The following PCDHGA4 variants were observed in gnomAD, a reference collection of about 807,000 sequenced individuals.
PCDHGA4 encodes protocadherin gamma subfamily A, 4, also known as protocadherin gamma-A4.
A neutral mutation model predicts 54.6 loss-of-function variants in PCDHGA4; 38 were observed. That is an observed-to-expected ratio of 0.70 (90% confidence interval 0.54 to 0.91). The LOEUF is 0.91. Among genes scored for constraint, PCDHGA4 ranks in the 40% least tolerant of loss-of-function variants. The probability of loss-of-function intolerance (pLI) is 0.00; values close to 1 mark genes in which losing one functional copy is unlikely to be tolerated. For missense variants in PCDHGA4, 1,298 were observed against 1,220.9 expected (o/e 1.06, Z -0.94); for synonymous variants, 511 against 512.9 (o/e 1.00, Z 0.05).
chr5:141,374,152 G>T (rs1190094932), intron 1 of PCDHGA4: 1 of 1,612,132 alleles, frequency 6.2e-7, no homozygotes. Context: ...TGGGGACGCT[G>T]TGGGGGGCCG....
chr5:141,451,205 C>G (rs1023049434), intron 1 of PCDHGA4, among the ~76,000 whole-genome samples: 2 of 152,142 alleles, frequency 1.3e-5, no homozygotes, highest in African/African-American at 4.8e-5. Flanking sequence ...TATCCCAAAA[C>G]TTAGTGGCTT....
intron 1 of PCDHGA4, chr5:141,360,390 T>C (rs1484817682): frequency 1.2e-6 from 2 of 1,613,882 alleles, no homozygotes; most frequent in Non-Finnish European, 1.7e-6. Flanking sequence ...GAGACTTACT[T>C]GTGAGTGACA....
chr5:141,410,779 T>C, intron 1 of PCDHGA4: 4 of 947,572 alleles, frequency 4.2e-6, no homozygotes, highest in Non-Finnish European at 6.0e-6. Flanking sequence ...TTTCACTATG[T>C]ATTTGGTTCA....
At position 141,485,293 on chromosome 5, in the gene PCDHGA4, G is replaced by A. The variant is rs1356836741; in HGVS notation, c.2515-9514G>A. On this transcript the variant is annotated intron_variant, in intron 1 of 3. Transcript: ENST00000571252. The surrounding 1 kb of genome is among the most constrained non-coding windows in gnomAD (Gnocchi z 5.7). ...GCTACCCGGTCCCAGAGGAGTCACA[G>A]GAAGGGACTTTTGTAGGGAATGTCG... 1 of 1,614,170 alleles carries A rather than the reference G, an allele frequency of 6.2e-7. No individual in the cohort carries two copies.
chr5:141,390,199 G>A (rs753440941), intron 1 of PCDHGA4: 2 of 1,614,054 alleles, frequency 1.2e-6, no homozygotes, highest in South Asian at 2.2e-5. Context: ...GAGCAGTTGA[G>A]TTCAGGACAA....
At chr5:141,494,890 C>A (rs1483157263) in intron 2 of PCDHGA4, 25 bp downstream of exon 2, 1 of 1,614,120 alleles carries the variant, frequency 6.2e-7, no homozygotes. Context: ...CTCCAGCCCA[C>A]CCTCTTCTCT....
chr5:141,385,481 G>A, intron 1 of PCDHGA4: 8 of 1,422,472 alleles, frequency 5.6e-6, no homozygotes, highest in Non-Finnish European at 6.4e-6. Context: ...CTTTAATATA[G>A]AACACATAGG....
intron 1 of PCDHGA4, chr5:141,389,177 C>G: frequency 1.2e-6 from 2 of 1,614,052 alleles, no homozygotes; most frequent in Non-Finnish European, 1.7e-6. Flanking sequence ...CTCCCCTCTC[C>G]TCCAGTTCCA....
intron 1 of PCDHGA4, chr5:141,415,379 G>T: frequency 3.7e-6 from 6 of 1,614,250 alleles, no homozygotes; most frequent in Non-Finnish European, 3.4e-6. Flanking sequence ...TCAGGAGGCG[G>T]CTTGACAGGT....
At position 141,355,864 on chromosome 5, in the gene PCDHGA4, C is replaced by G. The variant is rs749145164; in HGVS notation, c.757C>G (p.Arg253Gly). Residue 253 changes from arginine (R) to glycine (G), a missense_variant, in exon 1 of 4, where the codon CGC becomes GGC. Arg to Gly is a moderately radical substitution (Grantham distance 125). Coordinates refer to ENST00000571252, the MANE Select transcript of PCDHGA4 (RefSeq NM_018917.4). Reference protein sequence around the residue: ...LTAFDGGDPVRSGTARILIIL... With the variant: ...LTAFDGGDPVGSGTARILIIL... ...GGCCTTCGATGGAGGTGACCCGGTT[C>G]GCTCTGGCACTGCCAGGATTCTCAT... is the stretch of plus-strand genomic sequence containing the variant. The G allele has an allele frequency of 1.9e-6, 3 of 1,612,452 alleles. No individual in the cohort carries two copies. The highest frequency in any genetic ancestry group is 2.5e-6 in the Non-Finnish European group (3 of 1,179,236).
At chr5:141,374,589 G>A (rs1385892757) in intron 1 of PCDHGA4, 1 of 1,613,676 alleles carries the variant, frequency 6.2e-7, no homozygotes, top group Non-Finnish European at 8.5e-7. Context: ...TCCCTTCAGG[G>A]ATTTAAGCTC....
At chr5:141,372,252 G>A (rs768560692) in intron 1 of PCDHGA4, 4 of 1,613,140 alleles carry the variant, frequency 2.5e-6, no homozygotes, top group Admixed American at 1.7e-5. Context: ...GTTCAGCCTG[G>A]GCCTGCGCAC....
rs1167295957 is a variant in PCDHGA4 at position 141,382,977 on chromosome 5, CT to C, written c.2514+25357del. On this transcript the variant is annotated intron_variant, in intron 1 of 3. Coordinates refer to ENST00000571252, the MANE Select transcript of PCDHGA4 (RefSeq NM_018917.4). Reference sequence around the variant, plus strand: ...TCCTCCTGGGGACCCCCTGGGAAGCCTGGGCAGGACGTATTCTCTACTCCGT... The same window carrying C: ...TCCTCCTGGGGACCCCCTGGGAAGCCGGGCAGGACGTATTCTCTACTCCGT... The C allele has an allele frequency of 4.3e-6, 7 of 1,610,566 alleles. No homozygotes were observed. The South Asian group carries it at 7.7e-5, about 18-fold the overall frequency.
intron 1 of PCDHGA4, among the ~76,000 whole-genome samples, chr5:141,438,591 C>CATATATAT (rs946798767): frequency 3.4e-4 from 26 of 75,528 alleles, no homozygotes; most frequent in Non-Finnish European, 5.4e-4. Flanking sequence ...TACATACATA[C>CATATATAT]ATATATATAT....
Position 141,383,013 on chromosome 5 carries a change from G to A in PCDHGA4, c.2514+25392G>A, listed in dbSNP as rs1209966350. Reference sequence around the variant, plus strand: ...GTATTCTCTACTCCGTGTCGGAGGAGACGGACAAAGGGTCCTTTGTGGGAG... The same window carrying A: ...GTATTCTCTACTCCGTGTCGGAGGAAACGGACAAAGGGTCCTTTGTGGGAG... On this transcript the variant is annotated intron_variant, in intron 1 of 3. Coordinates refer to ENST00000571252, the MANE Select transcript of PCDHGA4 (RefSeq NM_018917.4). 6 of 1,613,828 alleles carry A rather than the reference G, an allele frequency of 3.7e-6. No individual in the cohort carries two copies. The East Asian group carries it at 6.7e-5, about 18-fold the overall frequency.
At chr5:141,408,274 G>T (rs773254664) in intron 1 of PCDHGA4, 2 of 1,611,590 alleles carry the variant, frequency 1.2e-6, no homozygotes, top group Non-Finnish European at 1.7e-6. Flanking sequence ...TGCTGCCTTT[G>T]TTCTACCCCA....
At position 141,376,680 on chromosome 5, in the gene PCDHGA4, T is replaced by G. The variant is rs554753091; in HGVS notation, c.2514+19059T>G. 2,414 of 666,784 alleles carry G rather than the reference T, an allele frequency of 3.6e-3. 9 individuals carry two copies. The highest frequency in any genetic ancestry group is 3.7e-3 in the Non-Finnish European group (1,658 of 442,514). 41.3% of individuals were successfully genotyped at this position (666,784 alleles called of 1,614,324 possible). A position where few individuals can be genotyped will look rare whatever the true frequency, so the allele number is the denominator to read the frequency against. ...CCTTGTTCAGGTGAGGGTATCGTTT[T>G]TTTTTTTTTTTTTTTTTGAGACGGA... On this transcript the variant is annotated intron_variant, in intron 1 of 3. Coordinates refer to ENST00000571252, the MANE Select transcript of PCDHGA4 (RefSeq NM_018917.4).
chr5:141,377,665 G>T (rs1040007479), intron 1 of PCDHGA4: 1 of 151,618 alleles, frequency 6.6e-6, no homozygotes, highest in Admixed American at 6.6e-5. Flanking sequence ...AACGACAGAC[G>T]TTCATACAAG....
chr5:141,433,256 C>T, intron 1 of PCDHGA4: 2 of 1,385,666 alleles, frequency 1.4e-6, no homozygotes, highest in Non-Finnish European at 2.0e-6. Context: ...TGCAGCGGTA[C>T]GATCATAGCT....
Sources: allele counts gnomAD v4.1 joint callset (sites outside exome capture counted in the v4.1 genomes callset), GRCh38; gene constraint gnomAD v4.1.1; non-coding constraint Gnocchi (gnomAD v3.1); transcripts MANE v1.5; gene names NCBI Gene and HGNC (gene_info 2026-07-23, HGNC 2026-07-21).